UBE2G1: variants seen among roughly 807,000 people sequenced by gnomAD.
UBE2G1 encodes the protein ubiquitin conjugating enzyme E2 G1.
In UBE2G1, 5 loss-of-function variants were observed where a neutral mutation model predicts 22.7. That is an observed-to-expected ratio of 0.22 (90% CI 0.12 to 0.46). UBE2G1 has a LOEUF of 0.46. UBE2G1 is among the 20% of genes least tolerant of loss of function. UBE2G1 has a pLI of 0.99. For missense variants in UBE2G1, 88 were observed against 203.9 expected (o/e 0.43, Z 3.46); for synonymous variants, 74 against 67.5 (o/e 1.10, Z -0.47).
At chr17:4,284,166 A>G (rs955564204) in intron 4 of UBE2G1, among the ~76,000 whole-genome samples, 2 of 151,468 alleles carry the variant, frequency 1.3e-5, no homozygotes, top group East Asian at 3.9e-4. Context: ...CTCAAAAAAA[A>G]AAAAAAAAGA....
intron 1 of UBE2G1, among the ~76,000 whole-genome samples, chr17:4,340,551 G>A (rs1438460764): frequency 6.6e-6 from 1 of 152,074 alleles, no homozygotes; most frequent in Admixed American, 6.6e-5. Flanking sequence ...AGATCTGATG[G>A]TTTTATAAGG....
chr17:4,366,002 G>A lies in UBE2G1; in HGVS notation c.46+269C>T, dbSNP rs180707402. Among the ~76,000 whole-genome samples the A allele has an allele frequency of 3.2e-4, 48 of 152,082 alleles. 1 individual carries two copies. In the East Asian group the frequency reaches 9.2e-3, roughly 29 times the overall value. On this transcript the variant is annotated intron_variant, in intron 1 of 5. Coordinates refer to ENST00000396981, the MANE Select transcript of UBE2G1 (RefSeq NM_003342.5). ...CCTCCCCCGCAACGTCCTACAGAAC[G>A]GTGGGGGAGGGGACCTCCTCCTCTC...
At chr17:4,343,611 CG>C (rs1969735728) in intron 1 of UBE2G1, among the ~76,000 whole-genome samples, 1 of 150,164 alleles carries the variant, frequency 6.7e-6, no homozygotes, top group Non-Finnish European at 1.5e-5. Flanking sequence ...TTTTTTGAGA[CG>C]GAGTCTCGCT....
At chr17:4,280,511 T>C (rs936145679) in intron 5 of UBE2G1, among the ~76,000 whole-genome samples, 2 of 151,184 alleles carry the variant, frequency 1.3e-5, no homozygotes, top group Non-Finnish European at 2.9e-5. Flanking sequence ...TACACCTTGG[T>C]AATTTTTATA....
chr17:4,279,519 CA>C (rs1319007251), intron 5 of UBE2G1, among the ~76,000 whole-genome samples: 1 of 152,032 alleles, frequency 6.6e-6, no homozygotes, highest in Non-Finnish European at 1.5e-5. Context: ...CGAAACAAAA[CA>C]GATTTTTGGT....
chr17:4,279,900 A>G (rs532421742), intron 5 of UBE2G1, among the ~76,000 whole-genome samples: 36 of 149,220 alleles, frequency 2.4e-4, no homozygotes, highest in African/African-American at 8.6e-4. Flanking sequence ...CAACAAACTG[A>G]AAAAGTAATC....
intron 1 of UBE2G1, among the ~76,000 whole-genome samples, chr17:4,312,018 G>A (rs1370329668): frequency 2.4e-5 from 2 of 82,208 alleles, no homozygotes; most frequent in Non-Finnish European, 5.1e-5. Context: ...ATGCCAAGGC[G>A]GGTGGATCAT....
At chr17:4,303,845 G>A (rs1969218173) in intron 2 of UBE2G1, among the ~76,000 whole-genome samples, 1 of 152,076 alleles carries the variant, frequency 6.6e-6, no homozygotes. Context: ...AGATTCTCCA[G>A]ATTTTTCATA....
At chr17:4,286,303 G>A (rs1598180489) in intron 4 of UBE2G1, among the ~76,000 whole-genome samples, 2 of 151,630 alleles carry the variant, frequency 1.3e-5, no homozygotes, top group Admixed American at 6.6e-5. Context: ...TACTCGGGAG[G>A]CTGAGGCAGG....
At chr17:4,334,051 G>T (rs890016615) in intron 1 of UBE2G1, among the ~76,000 whole-genome samples, 1 of 151,912 alleles carries the variant, frequency 6.6e-6, no homozygotes, top group African/African-American at 2.4e-5. Flanking sequence ...GGCAGAACAT[G>T]TCAGTTATAA....
At position 4,365,501 on chromosome 17, in the gene UBE2G1, G is replaced by C. The variant is rs954189012; in HGVS notation, c.46+770C>G. Among the ~76,000 whole-genome samples the C allele has an allele frequency of 1.1e-4, 16 of 152,178 alleles. 1 individual carries two copies. The highest frequency in any genetic ancestry group is 9.8e-4 in the Admixed American group (15 of 15,286). On this transcript the variant is annotated intron_variant, in intron 1 of 5. Coordinates refer to ENST00000396981, the MANE Select transcript of UBE2G1 (RefSeq NM_003342.5). ...CCGACCCGGCCGCCGCCCCGGGCCA[G>C]AGCCTGCGGGCGCAGCTCCGGGGTT...
At chr17:4,284,092 C>T (rs1022765936) in intron 4 of UBE2G1, among the ~76,000 whole-genome samples, 1 of 147,764 alleles carries the variant, frequency 6.8e-6, no homozygotes, top group African/African-American at 2.5e-5. Context: ...GAGAGGCAGA[C>T]GTTGCAGTGA....
chr17:4,328,403 C>A (rs564704726), intron 1 of UBE2G1, among the ~76,000 whole-genome samples: 1 of 152,276 alleles, frequency 6.6e-6, no homozygotes, highest in South Asian at 2.1e-4. Context: ...AAAAAAAGTT[C>A]TTCCCTTGGG....
At chr17:4,336,095 C>A (rs1256068070) in intron 1 of UBE2G1, among the ~76,000 whole-genome samples, 1 of 151,764 alleles carries the variant, frequency 6.6e-6, no homozygotes. Context: ...GCAGTGAGCC[C>A]GAGATCATGC....
chr17:4,290,851 C>T (rs1969027738), intron 3 of UBE2G1, among the ~76,000 whole-genome samples: 1 of 147,768 alleles, frequency 6.8e-6, no homozygotes, highest in African/African-American at 2.5e-5. Context: ...ACTGGGATTA[C>T]AGGAAACAGC....
intron 1 of UBE2G1, among the ~76,000 whole-genome samples, chr17:4,321,802 A>T (rs1473340630): frequency 6.6e-6 from 1 of 152,042 alleles, no homozygotes; most frequent in East Asian, 1.9e-4. Flanking sequence ...TGTTGCTATT[A>T]CTTAGAGTCT....
At chr17:4,288,138 G>C (rs1429388109) in intron 4 of UBE2G1, among the ~76,000 whole-genome samples, 1 of 152,194 alleles carries the variant, frequency 6.6e-6, no homozygotes, top group Non-Finnish European at 1.5e-5. Context: ...GTGAACCTAG[G>C]TGAAAGGTAT....
Position 4,331,656 on chromosome 17 carries a change from T to C in UBE2G1, c.47-24533A>G, listed in dbSNP as rs1233978066. Reference sequence around the variant, plus strand: ...CTAAAGAAATTAAAAAATAACTTTTTAATTTAAAGTATATTAAAAAGACCA... The same window carrying C: ...CTAAAGAAATTAAAAAATAACTTTTCAATTTAAAGTATATTAAAAAGACCA... On this transcript the variant is annotated intron_variant, in intron 1 of 5. Coordinates refer to ENST00000396981, the MANE Select transcript of UBE2G1 (RefSeq NM_003342.5). 5.9e-5 allele frequency: 9 copies of C among 152,310 alleles called. No homozygotes were observed. In the East Asian group the frequency reaches 1.7e-3, roughly 29 times the overall value. 9.4% of individuals were successfully genotyped at this position (152,310 alleles called of 1,614,324 possible).
At chr17:4,350,892 G>A (rs2143816350) in intron 1 of UBE2G1, among the ~76,000 whole-genome samples, 1 of 152,128 alleles carries the variant, frequency 6.6e-6, no homozygotes, top group East Asian at 1.9e-4. Context: ...AACTAGCCGG[G>A]CATGGTGGCA....
Sources: allele counts gnomAD v4.1 joint callset (sites outside exome capture counted in the v4.1 genomes callset), GRCh38; gene constraint gnomAD v4.1.1; transcripts MANE v1.5; gene names NCBI Gene and HGNC (gene_info 2026-07-23, HGNC 2026-07-21).